PRDM4: variants seen among roughly 807,000 people sequenced by gnomAD.
The protein encoded by PRDM4 is PR/SET domain 4.
Under a neutral mutation model 62.3 loss-of-function variants are expected in PRDM4, and 38 were observed. The observed-to-expected ratio is 0.61, with a 90% confidence interval of 0.47 to 0.80. The LOEUF (loss-of-function observed/expected upper bound fraction) is 0.80. Ranked by LOEUF, PRDM4 falls within the 30% of genes least tolerant of loss-of-function variation. The pLI is 0.00. For missense variants in PRDM4, 858 were observed against 997.1 expected (o/e 0.86, Z 1.88); for synonymous variants, 339 against 348.2 (o/e 0.97, Z 0.30).
intron 4 of PRDM4, among the ~76,000 whole-genome samples, chr12:107,752,842 G>A (rs780097385): frequency 2.6e-5 from 4 of 152,066 alleles, no homozygotes; most frequent in Admixed American, 6.6e-5. Context: ...AATCCATTTT[G>A]TAAATATTAT....
Position 107,738,878 on chromosome 12 carries a change from A to AACAC in PRDM4, c.2093+501_2093+504dup, listed in dbSNP as rs111582421. 6.5e-3 allele frequency among the ~76,000 whole-genome samples: 950 copies of AACAC among 146,978 alleles called. 6 individuals carry two copies. The highest frequency in any genetic ancestry group is 0.012 in the African/African-American group (488 of 39,916). ...TTTTTTTTTAACTGCAATTCAGACA[A>AACAC]ACACACACACACACACACACACACA... On this transcript the variant is annotated intron_variant, in intron 11 of 11. Transcript: ENST00000228437.
chr12:107,739,190 A>G (rs1385524653), intron 11 of PRDM4, 193 bp downstream of exon 11: 1 of 516,034 alleles, frequency 1.9e-6, no homozygotes, highest in African/African-American at 1.9e-5. Context: ...AACAACTGAA[A>G]TCTTCCAGGA....
At position 107,751,408 on chromosome 12, in the gene PRDM4, C is replaced by T; in HGVS notation, c.1126+7G>A. The T allele has an allele frequency of 6.3e-7, 1 of 1,597,956 alleles. No individual in the cohort carries two copies. Among genetic ancestry groups the T allele is most frequent in the Non-Finnish European group, 8.6e-7 (1 of 1,166,798 alleles). On this transcript the variant is annotated splice_region_variant and intron_variant, in intron 5 of 11. Transcript: ENST00000228437. ...ATTTCCAAAAAAGAAAGGCTAAACACACTCACAAATTGTAAACAAGGTTGC... is the reference window on the plus strand; with the variant it reads ...ATTTCCAAAAAAGAAAGGCTAAACATACTCACAAATTGTAAACAAGGTTGC...
chr12:107,751,389 A>G (rs199904457), intron 5 of PRDM4, 26 bp downstream of exon 5: 23 of 1,574,252 alleles, frequency 1.5e-5, no homozygotes, highest in East Asian at 4.5e-5. Flanking sequence ...AAATATTTCC[A>G]AAAAAGAAAG....
chr12:107,759,108 A>G (rs1015146825), intron 2 of PRDM4, among the ~76,000 whole-genome samples: 14 of 152,062 alleles, frequency 9.2e-5, no homozygotes, highest in African/African-American at 3.4e-4. Context: ...TGTCTCTACT[A>G]AACATTTTTT....
intron 7 of PRDM4, among the ~76,000 whole-genome samples, chr12:107,744,304 A>C (rs1441213827): frequency 1.3e-5 from 2 of 152,208 alleles, no homozygotes; most frequent in African/African-American, 4.8e-5. Context: ...ATTAACTCAC[A>C]AAACAGAGAC....
intron 11 of PRDM4, among the ~76,000 whole-genome samples, chr12:107,736,313 G>C (rs1379458948): frequency 6.6e-6 from 1 of 152,148 alleles, no homozygotes; most frequent in Non-Finnish European, 1.5e-5. Flanking sequence ...AAAGTGAAGG[G>C]GTCCTATTTT....
In PRDM4 at chr12:107,734,500, T is replaced by G; in HGVS notation, c.2116A>C (p.Lys706Gln). Reference protein sequence around the residue: ...HTQERQIKCPKCDKLFLRTNH... With the variant: ...HTQERQIKCPQCDKLFLRTNH... Reference sequence around the variant, plus strand: ...GTTCTCAAGAACAGCTTATCACACTTGGGACACTTGATCTGGCGTTCTCTA... The same window carrying G: ...GTTCTCAAGAACAGCTTATCACACTGGGGACACTTGATCTGGCGTTCTCTA... Residue 706 changes from lysine to glutamine, a missense_variant, in exon 12 of 12, where the codon AAG (lysine) becomes CAG (glutamine). By Grantham distance (53) the Lys-to-Gln change is moderately conservative. This residue lies in a region of PRDM4 where 355 missense variants were observed against 432.6 expected (regional missense o/e 0.82). Coordinates refer to ENST00000228437, the MANE Select transcript of PRDM4 (RefSeq NM_012406.4). 1.2e-6 allele frequency: 2 copies of G among 1,612,602 alleles called. No individual in the cohort carries two copies. Among genetic ancestry groups the G allele is most frequent in the African/African-American group, 1.3e-5 (1 of 74,988 alleles).
At chr12:107,752,791 C>T (rs567244863) in intron 4 of PRDM4, among the ~76,000 whole-genome samples, 1 of 152,050 alleles carries the variant, frequency 6.6e-6, no homozygotes, top group Non-Finnish European at 1.5e-5. Flanking sequence ...AATGTTAATA[C>T]CCTCTTGCAC....
chr12:107,748,571 T>G (rs1890792828), intron 5 of PRDM4, among the ~76,000 whole-genome samples: 1 of 152,180 alleles, frequency 6.6e-6, no homozygotes, highest in South Asian at 2.1e-4. Flanking sequence ...AGAAAGAAAC[T>G]AGATCCAGAA....
chr12:107,733,386 G>A lies in PRDM4; in HGVS notation c.*824C>T, dbSNP rs1171425784. On this transcript the variant is annotated 3_prime_UTR_variant, in exon 12 of 12. Coordinates refer to ENST00000228437, the MANE Select transcript of PRDM4 (RefSeq NM_012406.4). Reference sequence around the variant, plus strand: ...TACTCATCAGGAGACAATCCAGCAGGCATTATTTGGGCTCTCTGTATCTCC... The same window carrying A: ...TACTCATCAGGAGACAATCCAGCAGACATTATTTGGGCTCTCTGTATCTCC... The A allele has an allele frequency of 3.0e-5, 4 of 134,530 alleles. No homozygotes were observed. The highest frequency in any genetic ancestry group is 7.1e-5 in the Non-Finnish European group (4 of 56,174). 8.3% of individuals were successfully genotyped at this position (134,530 alleles called of 1,614,324 possible). A position where few individuals can be genotyped will look rare whatever the true frequency, so the allele number is the denominator to read the frequency against.
intron 4 of PRDM4, 99 bp downstream of exon 4, chr12:107,753,825 T>G (rs1335090588): frequency 1.7e-6 from 2 of 1,161,878 alleles, no homozygotes; most frequent in Non-Finnish European, 2.4e-6. Flanking sequence ...TATCTAATAG[T>G]GACAAACAGA....
intron 1 of PRDM4, 43 bp from the exon 2 acceptor site, chr12:107,760,814 G>A (rs993916547): frequency 3.0e-6 from 1 of 337,584 alleles, no homozygotes; most frequent in African/African-American, 2.2e-5. Context: ...ACCACAACAA[G>A]GTCGCAGCCC....
chr12:107,759,739 G>A (rs139836702), intron 2 of PRDM4: 1 of 152,262 alleles, frequency 6.6e-6, no homozygotes, highest in African/African-American at 2.4e-5. Flanking sequence ...ATTCTAAAAT[G>A]CAGTTCTATT....
At position 107,760,782 on chromosome 12, in the gene PRDM4, G is replaced by T. The variant is rs1005397604; in HGVS notation, c.-256-11C>A. On this transcript the variant is annotated splice_polypyrimidine_tract_variant and intron_variant, in intron 1 of 11. Transcript: ENST00000228437. ...AGGGGGCTGCCCAACCTGGGGGAGT[G>T]GGGACAAGAGCGGTCACCAAAACCA... 25 of 468,192 alleles carry T rather than the reference G, an allele frequency of 5.3e-5. No individual in the cohort carries two copies. The highest frequency in any genetic ancestry group is 4.9e-4 in the African/African-American group (24 of 49,256). 29.0% of individuals were successfully genotyped at this position (468,192 alleles called of 1,614,324 possible). A position where few individuals can be genotyped will look rare whatever the true frequency, so the allele number is the denominator to read the frequency against.
intron 6 of PRDM4, among the ~76,000 whole-genome samples, chr12:107,745,678 T>C (rs1890678642): frequency 6.6e-6 from 1 of 152,262 alleles, no homozygotes; most frequent in South Asian, 2.1e-4. Context: ...AAATCTTTTG[T>C]GCTTAAAGCA....
intron 10 of PRDM4, among the ~76,000 whole-genome samples, chr12:107,740,642 T>A (rs1186316487): frequency 6.6e-6 from 1 of 151,876 alleles, no homozygotes; most frequent in Non-Finnish European, 1.5e-5. Context: ...GACTGGGGGG[T>A]GAGCTCTAAT....
At chr12:107,757,071 C>T in intron 2 of PRDM4, 106 bp from the exon 3 acceptor site, 2 of 1,149,140 alleles carry the variant, frequency 1.7e-6, no homozygotes, top group Non-Finnish European at 1.2e-6. Context: ...TGGGACTTGG[C>T]CAACTATTAG....
intron 10 of PRDM4, 80 bp from the exon 11 acceptor site, chr12:107,739,631 T>TGTGTGTCTTG: frequency 7.1e-7 from 1 of 1,412,266 alleles, no homozygotes; most frequent in Non-Finnish European, 9.7e-7. Flanking sequence ...CATATGTGCA[T>TGTGTGTCTTG]GCAGCAGAGG....
Sources: allele counts gnomAD v4.1 joint callset (sites outside exome capture counted in the v4.1 genomes callset), GRCh38; gene constraint gnomAD v4.1.1; regional missense constraint gnomAD v4.1.1; transcripts MANE v1.5; gene names NCBI Gene and HGNC (gene_info 2026-07-23, HGNC 2026-07-21).